The following FASTKD2 variants were observed in gnomAD, a reference collection of about 807,000 sequenced individuals.
FASTKD2 encodes the protein FAST kinase domains 2, also known as FAST kinase domain-containing protein 2, mitochondrial.
Under a neutral mutation model 63.6 loss-of-function variants are expected in FASTKD2, and 51 were observed. The observed-to-expected ratio is 0.80, with a 90% confidence interval of 0.64 to 1.01. FASTKD2 has a LOEUF of 1.01. Ranked by LOEUF, FASTKD2 falls within the 50% of genes least tolerant of loss-of-function variation. FASTKD2 has a pLI of 0.00. For missense variants in FASTKD2, 786 were observed against 831.1 expected, an observed-to-expected ratio of 0.95 and a Z score of 0.67; for synonymous variants, 284 against 293.4, an observed-to-expected ratio of 0.97 and a Z score of 0.33.
rs779737919 is a variant in FASTKD2, at chr2:206,788,882, C to T, written c.1877C>T (p.Thr626Ile). 24 of 1,560,310 alleles carry T rather than the reference C, an allele frequency of 1.5e-5. No individual in the cohort carries two copies. In the African/African-American group the frequency reaches 2.6e-4, roughly 17 times the overall value. Residue 626 changes from threonine (T) to isoleucine (I), a missense_variant, in exon 10 of 12, where the codon ACT (threonine) becomes ATT (isoleucine). Transcript: ENST00000402774. ...CTACCACTTTCTGATGTGGATACAACTTCTGCTACAGATATTCAAAGGTTG... is the reference window on the plus strand; with the variant it reads ...CTACCACTTTCTGATGTGGATACAATTTCTGCTACAGATATTCAAAGGTTG... Reference protein sequence around the residue: ...QVLPLSDVDTTSATDIQRVAV... With the variant: ...QVLPLSDVDTISATDIQRVAV...
chr2:206,785,616 ACTTC>A (rs1559365401), intron 7 of FASTKD2, among the ~76,000 whole-genome samples: 1 of 152,134 alleles, frequency 6.6e-6, no homozygotes, highest in African/African-American at 2.4e-5. Flanking sequence ...CAGGCTCCCA[ACTTC>A]CTTGTCCACA....
At chr2:206,777,800 G>C (rs1009653122) in intron 7 of FASTKD2, among the ~76,000 whole-genome samples, 1 of 152,160 alleles carries the variant, frequency 6.6e-6, no homozygotes, top group Non-Finnish European at 1.5e-5. Context: ...TTGTTGGGAA[G>C]TTTTTGATTA....
chr2:206,778,317 G>A (rs1361403297), intron 7 of FASTKD2, among the ~76,000 whole-genome samples: 1 of 151,528 alleles, frequency 6.6e-6, no homozygotes, highest in Non-Finnish European at 1.5e-5. Context: ...TGCTTTTTCT[G>A]CATCCCATAA....
rs1366722983 is a variant in FASTKD2 at position 206,791,763 on chromosome 2, T to A, written c.2094T>A (p.Ala698=). ...AGACTAAAATCTATTCAGTAGAAGC[T>A]CTTCCTGTTGCTGCTGTAAATGTGC... ...FLKTKIYSVE[A]LPVAAVNVQS... Residue 698 remains alanine, a synonymous_variant, in exon 12 of 12, where the codon GCT becomes GCA. Coordinates refer to ENST00000402774, the MANE Select transcript of FASTKD2 (RefSeq NM_001136193.2). 6.2e-7 allele frequency: 1 copy of A among 1,613,102 alleles called. No homozygotes were observed. Among genetic ancestry groups the A allele is most frequent in the South Asian group, 1.1e-5 (1 of 91,056 alleles).
At chr2:206,767,909 T>A (rs1302593879) in intron 2 of FASTKD2, among the ~76,000 whole-genome samples, 2 of 152,230 alleles carry the variant, frequency 1.3e-5, no homozygotes, top group Non-Finnish European at 2.9e-5. Flanking sequence ...TTGCATGCCC[T>A]ACTGTTCCCA....
At position 206,776,547 on chromosome 2, in the gene FASTKD2, G is replaced by A. The variant is rs139821392; in HGVS notation, c.1427+2150G>A. Among the ~76,000 whole-genome samples, 674 of 152,060 alleles carry A rather than the reference G, an allele frequency of 4.4e-3. 5 individuals carry two copies. The highest frequency in any genetic ancestry group is 0.015 in the African/African-American group (632 of 41,522). On this transcript the variant is annotated intron_variant, in intron 7 of 11. Transcript: ENST00000402774. ...TTTAATCCATTTTGAGTTGATTTTT[G>A]TGTATGTTATAAAATAAGGTTCCAA... is the stretch of plus-strand genomic sequence containing the variant.
At chr2:206,785,282 C>G (rs1690111338) in intron 7 of FASTKD2, among the ~76,000 whole-genome samples, 2 of 152,092 alleles carry the variant, frequency 1.3e-5, no homozygotes, top group East Asian at 1.9e-4. Flanking sequence ...GGGACACAGC[C>G]AAACCATATC....
chr2:206,787,080 C>T (rs578222398), intron 8 of FASTKD2, among the ~76,000 whole-genome samples, 181 bp downstream of exon 8: 1 of 152,188 alleles, frequency 6.6e-6, no homozygotes, highest in South Asian at 2.1e-4. Flanking sequence ...AAGCAGCAAA[C>T]CTACAGACCC....
At chr2:206,780,686 T>G (rs558430026) in intron 7 of FASTKD2, among the ~76,000 whole-genome samples, 1 of 152,324 alleles carries the variant, frequency 6.6e-6, no homozygotes, top group East Asian at 1.9e-4. Context: ...AGCCACTATT[T>G]CCTTAAATAA....
At chr2:206,765,925 C>T (rs548010620) in intron 1 of FASTKD2, among the ~76,000 whole-genome samples, 178 bp downstream of exon 1, 109 of 152,140 alleles carry the variant, frequency 7.2e-4, no homozygotes, top group African/African-American at 2.5e-3. Flanking sequence ...GTTCTACCTG[C>T]CCAGGTCCCT....
chr2:206,772,350 T>C, intron 6 of FASTKD2, 30 bp downstream of exon 6: 2 of 1,605,280 alleles, frequency 1.2e-6, no homozygotes, highest in Non-Finnish European at 1.7e-6. Context: ...AGAATAAGCC[T>C]CACAAACTTT....
intron 7 of FASTKD2, among the ~76,000 whole-genome samples, chr2:206,784,461 G>A (rs1255639651): frequency 6.6e-6 from 1 of 152,232 alleles, no homozygotes; most frequent in East Asian, 1.9e-4. Context: ...ATTTATGATG[G>A]CCCATCGGGG....
At chr2:206,777,120 A>G (rs550812082) in intron 7 of FASTKD2, among the ~76,000 whole-genome samples, 2 of 152,218 alleles carry the variant, frequency 1.3e-5, no homozygotes, top group Admixed American at 6.5e-5. Context: ...GGAACACAGC[A>G]GATATTTTTA....
At chr2:206,786,943 T>C in intron 8 of FASTKD2, 44 bp downstream of exon 8, 5 of 820,790 alleles carry the variant, frequency 6.1e-6, no homozygotes, top group African/African-American at 1.8e-5. Context: ...TGACCAATTC[T>C]GCACTACCAC....
intron 7 of FASTKD2, among the ~76,000 whole-genome samples, chr2:206,781,587 A>G (rs1044946664): frequency 4.0e-5 from 6 of 151,452 alleles, no homozygotes; most frequent in African/African-American, 1.5e-4. Flanking sequence ...AAGTGCTGGG[A>G]TTACAGGCAT....
chr2:206,779,756 T>A (rs1192889599), intron 7 of FASTKD2, among the ~76,000 whole-genome samples: 1 of 152,194 alleles, frequency 6.6e-6, no homozygotes, highest in Non-Finnish European at 1.5e-5. Context: ...TTAGAGTAAT[T>A]ATTGATAGAG....
In FASTKD2 at chr2:206,771,978, T is replaced by G. The variant is rs779348832; in HGVS notation, c.1075T>G (p.Ser359Ala). ...FEVLAAMNHR[S>A]LILLDECSKV... ...AGTACTAGCTGCCATGAATCACCGA[T>G]CTCTTATACTCCTGGATGAATGCAG... Residue 359 changes from serine (S) to alanine (A), a missense_variant, in exon 5 of 12, where the codon TCT becomes GCT. By Grantham distance (99) the Ser-to-Ala change is moderately conservative. Coordinates refer to ENST00000402774, the MANE Select transcript of FASTKD2 (RefSeq NM_001136193.2). 3 of 1,613,670 alleles carry G rather than the reference T, an allele frequency of 1.9e-6. No homozygotes were observed. The highest frequency in any genetic ancestry group is 2.5e-6 in the Non-Finnish European group (3 of 1,179,570).
At chr2:206,775,402 A>G (rs1574666827) in intron 7 of FASTKD2, among the ~76,000 whole-genome samples, 1 of 151,620 alleles carries the variant, frequency 6.6e-6, no homozygotes, top group Non-Finnish European at 1.5e-5. Flanking sequence ...ATGATGTATC[A>G]TATTGATTGA....
At chr2:206,776,781 T>A (rs1689835033) in intron 7 of FASTKD2, among the ~76,000 whole-genome samples, 1 of 151,932 alleles carries the variant, frequency 6.6e-6, no homozygotes, top group Non-Finnish European at 1.5e-5. Context: ...GCAGTTCAGA[T>A]TCCTTTGTGG....
Sources: gnomAD v4.1 joint callset for allele counts (sites outside exome capture counted in the v4.1 genomes callset) on GRCh38, gnomAD v4.1.1 for gene constraint, MANE v1.5 for transcripts, NCBI Gene and HGNC (gene_info 2026-07-23, HGNC 2026-07-21) for gene names.